SEPTIN9: variants seen among roughly 807,000 people sequenced by gnomAD.
SEPTIN9 encodes septin-9.
Under a neutral mutation model 56.6 loss-of-function variants are expected in SEPTIN9, and 13 were observed. The observed-to-expected ratio is 0.23, with a 90% CI of 0.15 to 0.37. SEPTIN9 has a LOEUF of 0.37. Among genes scored for constraint, SEPTIN9 ranks in the 10% least tolerant of loss-of-function variants. The pLI is 1.00. For missense variants in SEPTIN9, 650 were observed against 823.1 expected, an observed-to-expected ratio of 0.79 and a Z score of 2.57; for synonymous variants, 332 against 334.1, an observed-to-expected ratio of 0.99 and a Z score of 0.07.
chr17:77,453,963 C>G lies in SEPTIN9; in HGVS notation c.722-28181C>G, dbSNP rs964615280. 6.4e-6 allele frequency: 5 copies of G among 778,844 alleles called. No individual in the cohort carries two copies. The highest frequency in any genetic ancestry group is 1.9e-5 in the African/African-American group (1 of 53,096). The allele number at this position is 778,844 out of a possible 1,614,324, so 48.2% of individuals were successfully genotyped here. ...CCCTTTAAGAAGCCTGTCACCACCA[C>G]CAGCAGCTTCCGTTATCTGGTTCTT... On this transcript the variant is annotated intron_variant, in intron 3 of 11. Transcript: ENST00000427177. This position sits in a 1 kb window ranked among gnomAD's most constrained non-coding sequence, Gnocchi z 4.4.
At chr17:77,466,557 C>T (rs2038742161) in intron 3 of SEPTIN9, 4 of 985,438 alleles carry the variant, frequency 4.1e-6, no homozygotes, top group African/African-American at 3.5e-5. Context: ...GTTGGAGTCC[C>T]ACAGTAGGTC....
intron 2 of SEPTIN9, chr17:77,376,227 C>G (rs920851891): frequency 1.0e-6 from 1 of 986,146 alleles, no homozygotes; most frequent in Non-Finnish European, 1.2e-6. Flanking sequence ...AAGGAGGGGC[C>G]TGCCTGTGAA....
At chr17:77,461,507 A>G (rs2038471586) in intron 3 of SEPTIN9, among the ~76,000 whole-genome samples, 1 of 152,156 alleles carries the variant, frequency 6.6e-6, no homozygotes, top group Non-Finnish European at 1.5e-5. Flanking sequence ...ATCCGAGGGC[A>G]AGGACGACGC....
At chr17:77,377,416 G>C (rs1247666752) in intron 2 of SEPTIN9, among the ~76,000 whole-genome samples, 1 of 152,080 alleles carries the variant, frequency 6.6e-6, no homozygotes, top group Non-Finnish European at 1.5e-5. Context: ...GCCTTTCCAA[G>C]TACCAGCTGT....
rs753347597 is a variant in SEPTIN9, at chr17:77,319,608, G to A, written c.76+12411G>A. On this transcript the variant is annotated intron_variant, in intron 2 of 11. Coordinates refer to ENST00000427177, the MANE Select transcript of SEPTIN9 (RefSeq NM_001113491.2). The surrounding 1 kb of genome is among the most constrained non-coding windows in gnomAD (Gnocchi z 5.3). ...TCCGGAACCTTTTCTCAGCACGCTG[G>A]CCTGGGGCACGGCCGTTCCTCCTGC... 1.0e-5 allele frequency: 11 copies of A among 1,061,622 alleles called. No homozygotes were observed. Among genetic ancestry groups the A allele is most frequent in the Non-Finnish European group, 1.3e-5 (11 of 877,010 alleles). The allele number at this position is 1,061,622 out of a possible 1,614,324, so 65.8% of individuals were successfully genotyped here.
chr17:77,465,016 C>T (rs1396539783), intron 3 of SEPTIN9, among the ~76,000 whole-genome samples: 5 of 152,208 alleles, frequency 3.3e-5, no homozygotes, highest in Admixed American at 6.5e-5. Flanking sequence ...GGCTCTCAGC[C>T]CCTAGCCACC....
intron 3 of SEPTIN9, chr17:77,427,165 C>CAG (rs1256228936): frequency 6.6e-6 from 1 of 152,320 alleles, no homozygotes; most frequent in African/African-American, 2.4e-5. Context: ...GCCGCCTGTG[C>CAG]AGAGGCCGGA....
At position 77,318,090 on chromosome 17, in the gene SEPTIN9, T is replaced by C. The variant is rs1169184557; in HGVS notation, c.76+10893T>C. On this transcript the variant is annotated intron_variant, in intron 2 of 11. Transcript: ENST00000427177. This position sits in a 1 kb window ranked among gnomAD's most constrained non-coding sequence, Gnocchi z 4.9. ...AAATAAAATAATAAATATAATACAC[T>C]TGAATCATCTCAAAACCATCTCCCC... 2.6e-5 allele frequency among the ~76,000 whole-genome samples: 4 copies of C among 151,920 alleles called. No individual in the cohort carries two copies. Among genetic ancestry groups the C allele is most frequent in the Non-Finnish European group, 2.9e-5 (2 of 67,952 alleles).
intron 2 of SEPTIN9, among the ~76,000 whole-genome samples, chr17:77,393,694 A>G (rs1335270059): frequency 6.6e-6 from 1 of 152,112 alleles, no homozygotes; most frequent in East Asian, 1.9e-4. Context: ...GGTTCAAGCT[A>G]TTCTGCCTCA....
rs541614471 is a variant in SEPTIN9 at position 77,415,751 on chromosome 17, G to A, written c.721+13048G>A. ...CACCGGGCTCCTGTCTGGAGCTGACGTGCGACCAAGGCACACGAGGGAAGC... is the reference window on the plus strand; with the variant it reads ...CACCGGGCTCCTGTCTGGAGCTGACATGCGACCAAGGCACACGAGGGAAGC... On this transcript the variant is annotated intron_variant, in intron 3 of 11. Coordinates refer to ENST00000427177, the MANE Select transcript of SEPTIN9 (RefSeq NM_001113491.2). Among the ~76,000 whole-genome samples, 4 of 152,356 alleles carry A rather than the reference G, an allele frequency of 2.6e-5. No individual in the cohort carries two copies. In the East Asian group the frequency reaches 5.8e-4, roughly 22 times the overall value.
chr17:77,481,143 A>AG (rs2039438123), intron 3 of SEPTIN9, among the ~76,000 whole-genome samples: 1 of 152,194 alleles, frequency 6.6e-6, no homozygotes, highest in African/African-American at 2.4e-5. Context: ...GGTCCTCAGC[A>AG]GGCGTCTTCC....
intron 3 of SEPTIN9, among the ~76,000 whole-genome samples, chr17:77,428,790 C>T (rs915482060): frequency 1.1e-4 from 16 of 152,142 alleles, no homozygotes; most frequent in African/African-American, 3.9e-4. Context: ...TCCCTTGTGC[C>T]TCAGTACTCA....
chr17:77,493,054 G>T lies in SEPTIN9; in HGVS notation c.1551G>T (p.Lys517Asn). 6.4e-7 allele frequency: 1 copy of T among 1,561,640 alleles called. No individual in the cohort carries two copies. ...ACGGCAAGAGGATCCTTGGGAGGAA[G>T]ACCAAGTGGGGTACCATCGAAGGTA... ...QVNGKRILGR[K>N]TKWGTIEVEN... The change falls in exon 10 of 12, where the codon AAG (lysine) becomes AAT (asparagine). Residue 517 changes from lysine to asparagine, a missense_variant. By Grantham distance (94) the Lys-to-Asn change is moderately conservative. Coordinates refer to ENST00000427177, the MANE Select transcript of SEPTIN9 (RefSeq NM_001113491.2).
intron 2 of SEPTIN9, chr17:77,374,587 G>C (rs1393812039): frequency 3.9e-5 from 6 of 152,460 alleles, no homozygotes; most frequent in Non-Finnish European, 7.3e-5. Context: ...GGCCGGGAGG[G>C]GGAAAGGCTG....
At chr17:77,418,993 T>C (rs2036600394) in intron 3 of SEPTIN9, among the ~76,000 whole-genome samples, 1 of 152,082 alleles carries the variant, frequency 6.6e-6, no homozygotes. Flanking sequence ...TGGTTGCCCA[T>C]ACCCTGGCCT....
intron 2 of SEPTIN9, among the ~76,000 whole-genome samples, chr17:77,366,046 C>T (rs960860424): frequency 6.6e-6 from 1 of 152,096 alleles, no homozygotes; most frequent in Non-Finnish European, 1.5e-5. Context: ...CAGCCTGTTT[C>T]TCCTGGCTGG....
intron 2 of SEPTIN9, chr17:77,373,337 A>G: frequency 8.5e-7 from 1 of 1,172,874 alleles, no homozygotes; most frequent in Non-Finnish European, 1.1e-6. Flanking sequence ...TTCCTCCCCC[A>G]TTCATTCAGC....
chr17:77,359,041 C>G (rs191135944), intron 2 of SEPTIN9, among the ~76,000 whole-genome samples: 3 of 152,184 alleles, frequency 2.0e-5, no homozygotes, highest in African/African-American at 7.2e-5. Context: ...TGTCTGCACT[C>G]CAGCCAGAGG....
At chr17:77,448,648 GAA>G (rs1391121631) in intron 3 of SEPTIN9, among the ~76,000 whole-genome samples, 2 of 152,164 alleles carry the variant, frequency 1.3e-5, no homozygotes, top group African/African-American at 4.8e-5. Flanking sequence ...AAGGGGGAAA[GAA>G]AAGAATATCA....
Sources: allele counts gnomAD v4.1 joint callset (sites outside exome capture counted in the v4.1 genomes callset), GRCh38; gene constraint gnomAD v4.1.1; non-coding constraint Gnocchi (gnomAD v3.1); transcripts MANE v1.5; gene names NCBI Gene and HGNC (gene_info 2026-07-23, HGNC 2026-07-21).